CTNNA2: variants seen among roughly 807,000 people sequenced by gnomAD.
CTNNA2 encodes catenin alpha 2.
CTNNA2 carries 42 observed loss-of-function variants against 101.0 expected under a neutral mutation model. The ratio of observed to expected loss-of-function variants is 0.42; its 90% CI spans 0.32 to 0.54. The LOEUF (loss-of-function observed/expected upper bound fraction) is 0.54. Ranked by LOEUF, CTNNA2 falls within the 20% of genes least tolerant of loss-of-function variation. The pLI, the probability that CTNNA2 is intolerant of heterozygous loss-of-function variation, is 0.14. For synonymous variants in CTNNA2, 450 were observed against 456.4 expected, an observed-to-expected ratio of 0.99 and a Z score of 0.18; for missense variants, 871 against 1,223.1, an observed-to-expected ratio of 0.71 and a Z score of 4.29.
At chr2:79,396,337 T>C (rs1678230044) in intron 4 of CTNNA2, among the ~76,000 whole-genome samples, 1 of 152,080 alleles carries the variant, frequency 6.6e-6, no homozygotes, top group Non-Finnish European at 1.5e-5. Flanking sequence ...TTTTATATTT[T>C]TAGTAGAGAC....
chr2:80,290,228 T>C (rs1187017616), intron 7 of CTNNA2, among the ~76,000 whole-genome samples: 8 of 152,160 alleles, frequency 5.3e-5, no homozygotes, highest in Admixed American at 5.2e-4. Context: ...CCATGCCAGA[T>C]AGTTTTTTAG....
At chr2:79,621,809 G>A (rs909574351) in intron 1 of CTNNA2, among the ~76,000 whole-genome samples, 1 of 152,106 alleles carries the variant, frequency 6.6e-6, no homozygotes, top group African/African-American at 2.4e-5. Flanking sequence ...TGAACCATGT[G>A]GACAGTTTAT....
In CTNNA2 at chr2:79,651,588, A is replaced by G; in HGVS notation, c.32A>G (p.Lys11Arg). 1 of 1,613,838 alleles carries G rather than the reference A, an allele frequency of 6.2e-7. No homozygotes were observed. Residue 11 changes from lysine (K) to arginine (R), a missense_variant, in exon 2 of 19, where the codon AAA becomes AGA. Physicochemically the swap from Lys to Arg is conservative, Grantham distance 26. Transcript: ENST00000402739. ...TCGGCAACTTCACCTATCATTCTGA[A>G]ATGGGACCCCAAAAGTTTGGAAATC... The part of the protein sequence containing the change: MTSATSPIIL[K>R]WDPKSLEIRT...
intron 6 of CTNNA2, among the ~76,000 whole-genome samples, chr2:79,905,607 TTGA>T (rs764229719): frequency 1.3e-5 from 2 of 151,878 alleles, no homozygotes; most frequent in African/African-American, 2.4e-5. Flanking sequence ...CTCCTGGATG[TTGA>T]TGATGATGAT....
chr2:80,328,740 A>G (rs1332270940), intron 7 of CTNNA2, among the ~76,000 whole-genome samples: 4 of 152,238 alleles, frequency 2.6e-5, no homozygotes, highest in Non-Finnish European at 4.4e-5. Flanking sequence ...TTGACAGGAT[A>G]TGTTCTGAGA....
intron 2 of CTNNA2, among the ~76,000 whole-genome samples, chr2:79,199,438 T>C (rs569978684): frequency 4.6e-5 from 7 of 152,314 alleles, no homozygotes; most frequent in African/African-American, 1.7e-4. Context: ...GTTATTGTGG[T>C]TGTTTTTAAT....
intron 12 of CTNNA2, among the ~76,000 whole-genome samples, chr2:80,568,566 CGTGTGTGTGTGTGT>C (rs36104924): frequency 6.7e-6 from 1 of 149,310 alleles, no homozygotes; most frequent in African/African-American, 2.5e-5. Context: ...TAATGGTGTG[CGTGTGTGTGTGTGT>C]GTGTGTGTGT....
Position 79,771,352 on chromosome 2 carries a change from T to C in CTNNA2, c.298+26770T>C, listed in dbSNP as rs570106740. ...CACCAGGGACCAGTTTTGTGGAAGATAGTTTTTCCTCAGACGAGGGGTAAG... is the reference window on the plus strand; with the variant it reads ...CACCAGGGACCAGTTTTGTGGAAGACAGTTTTTCCTCAGACGAGGGGTAAG... On this transcript the variant is annotated intron_variant, in intron 3 of 18. Coordinates refer to ENST00000402739, the MANE Select transcript of CTNNA2 (RefSeq NM_001282597.3). Among the ~76,000 whole-genome samples the C allele has an allele frequency of 3.0e-4, 45 of 152,318 alleles. No individual in the cohort carries two copies. In the South Asian group the frequency reaches 7.5e-3, roughly 25 times the overall value.
chr2:79,542,495 C>CT (rs1025611413), intron 1 of CTNNA2, among the ~76,000 whole-genome samples: 24 of 151,992 alleles, frequency 1.6e-4, no homozygotes, highest in Non-Finnish European at 2.8e-4. Context: ...ATTTTTTTGT[C>CT]TGTGTTGAGC....
chr2:80,634,834 G>A (rs1217005731), intron 18 of CTNNA2, among the ~76,000 whole-genome samples: 1 of 152,128 alleles, frequency 6.6e-6, no homozygotes, highest in Non-Finnish European at 1.5e-5. Flanking sequence ...GAGAAAACAG[G>A]TATAGCATAA....
intron 6 of CTNNA2, among the ~76,000 whole-genome samples, chr2:79,906,599 A>G (rs1442327128): frequency 1.3e-5 from 2 of 152,184 alleles, no homozygotes; most frequent in Non-Finnish European, 1.5e-5. Flanking sequence ...TGGATAGTGT[A>G]ACTTTTATGC....
intron 7 of CTNNA2, among the ~76,000 whole-genome samples, chr2:80,062,188 A>G (rs540529813): frequency 4.6e-5 from 7 of 152,340 alleles, no homozygotes; most frequent in African/African-American, 1.7e-4. Context: ...AATTCCTGTC[A>G]TTCTCAAAAA....
intron 12 of CTNNA2, among the ~76,000 whole-genome samples, chr2:80,559,231 A>T (rs1693332420): frequency 1.3e-5 from 2 of 152,208 alleles, no homozygotes; most frequent in African/African-American, 2.4e-5. Context: ...GGACATAGTG[A>T]AAAGGGAGTG....
intron 7 of CTNNA2, among the ~76,000 whole-genome samples, chr2:79,937,079 T>C (rs1687842299): frequency 6.6e-6 from 1 of 152,250 alleles, no homozygotes; most frequent in Non-Finnish European, 1.5e-5. Flanking sequence ...TATTAAATAT[T>C]CTTCCCAATG....
chr2:80,111,365 G>A (rs1701198812), intron 7 of CTNNA2, among the ~76,000 whole-genome samples: 1 of 152,190 alleles, frequency 6.6e-6, no homozygotes, highest in Admixed American at 6.5e-5. Flanking sequence ...AAATTGGTTT[G>A]CTGCAATAAA....
intron 7 of CTNNA2, among the ~76,000 whole-genome samples, chr2:80,006,848 T>C (rs565631085): frequency 2.7e-4 from 41 of 152,148 alleles, no homozygotes; most frequent in Non-Finnish European, 4.6e-4. Flanking sequence ...TCTGTTCTTA[T>C]TGGAATCCCC....
chr2:80,160,033 C>T (rs2121308), intron 7 of CTNNA2, among the ~76,000 whole-genome samples: 21,195 of 152,114 alleles, frequency 0.14, 3,701 homozygotes, highest in African/African-American at 0.41. Flanking sequence ...GGCTTCACTT[C>T]TTTACCTATG....
intron 2 of CTNNA2, among the ~76,000 whole-genome samples, chr2:79,713,401 A>T (rs1186409163): frequency 1.3e-5 from 2 of 152,196 alleles, no homozygotes; most frequent in African/African-American, 2.4e-5. Context: ...AGCTGTGATC[A>T]TGCCACTGCA....
intron 1 of CTNNA2, among the ~76,000 whole-genome samples, chr2:79,618,471 G>A (rs1678784088): frequency 6.6e-6 from 1 of 152,016 alleles, no homozygotes; most frequent in African/African-American, 2.4e-5. Flanking sequence ...TTTTTTTAAT[G>A]GGAGGTTTAG....
Sources: allele counts gnomAD v4.1 joint callset (sites outside exome capture counted in the v4.1 genomes callset), GRCh38; gene constraint gnomAD v4.1.1; transcripts MANE v1.5; gene names NCBI Gene and HGNC (gene_info 2026-07-23, HGNC 2026-07-21).